Variants in SIPA1L1 observed in about 807,000 individuals in gnomAD.
SIPA1L1 encodes signal induced proliferation associated 1 like 1, also known as signal-induced proliferation-associated 1-like protein 1.
A neutral mutation model predicts 162.7 loss-of-function variants in SIPA1L1; 26 were observed. The observed-to-expected ratio is 0.16, with a 90% CI of 0.12 to 0.22. SIPA1L1 has a LOEUF of 0.22. Ranked by LOEUF, SIPA1L1 falls within the 10% of genes least tolerant of loss-of-function variation. The probability of loss-of-function intolerance (pLI) is 1.00; values close to 1 mark genes in which losing one functional copy is unlikely to be tolerated. For synonymous variants in SIPA1L1, 829 were observed against 837.4 expected (o/e 0.99, Z 0.17); for missense variants, 1,874 against 2,241.0 (o/e 0.84, Z 3.31).
chr14:71,579,779 C>A (rs8014349), intron 4 of SIPA1L1, among the ~76,000 whole-genome samples: 127,192 of 152,208 alleles, frequency 0.84, 53,751 homozygotes, highest in African/African-American at 0.95. Context: ...CTTTTTTCCT[C>A]AGCTAAATTT....
chr14:71,730,698 G>A (rs542195770), intron 20 of SIPA1L1, among the ~76,000 whole-genome samples: 1 of 152,340 alleles, frequency 6.6e-6, no homozygotes, highest in South Asian at 2.1e-4. Context: ...TGCCATTGCT[G>A]TCATTCTTTC....
At chr14:71,704,483 C>T (rs1319542207) in intron 15 of SIPA1L1, among the ~76,000 whole-genome samples, 4 of 152,148 alleles carry the variant, frequency 2.6e-5, no homozygotes, top group African/African-American at 4.8e-5. Flanking sequence ...ACTTTTCTGC[C>T]TCTGCTTTTG....
chr14:71,588,153 G>A lies in SIPA1L1; in HGVS notation c.281G>A (p.Ser94Asn), dbSNP rs868537942. The change falls in exon 5 of 24, where the codon AGC (serine) becomes AAC (asparagine). Residue 94 changes from serine to asparagine, a missense_variant. Physicochemically the swap from Ser to Asn is conservative, Grantham distance 46. This residue lies in a region of SIPA1L1 where 685 missense variants were observed against 828.0 expected (regional missense o/e 0.83). Transcript: ENST00000381232. This position sits in a 1 kb window ranked among gnomAD's most constrained non-coding sequence, Gnocchi z 4.3. ...AGAAAGGAAAACATAAAAGAATCTA[G>A]CCGTTCAAGCCAGGAAATAGAAACC... ...PPRKENIKES[S>N]RSSQEIETSS... 7 of 1,614,038 alleles carry A rather than the reference G, an allele frequency of 4.3e-6. No individual in the cohort carries two copies. The highest frequency in any genetic ancestry group is 2.7e-5 in the African/African-American group (2 of 74,928).
At chr14:71,447,802 C>G (rs1389735310) in intron 2 of SIPA1L1, among the ~76,000 whole-genome samples, 1 of 152,064 alleles carries the variant, frequency 6.6e-6, no homozygotes, top group Non-Finnish European at 1.5e-5. Context: ...CTCCTGAGCT[C>G]TGGCAATCCG....
intron 2 of SIPA1L1, among the ~76,000 whole-genome samples, chr14:71,437,497 G>A (rs1474775241): frequency 6.6e-6 from 1 of 152,160 alleles, no homozygotes; most frequent in African/African-American, 2.4e-5. Context: ...AGCCACTTAA[G>A]TAGCTAGGAT....
At chr14:71,485,133 C>T (rs1283965941) in intron 2 of SIPA1L1, among the ~76,000 whole-genome samples, 1 of 152,202 alleles carries the variant, frequency 6.6e-6, no homozygotes, top group Non-Finnish European at 1.5e-5. Context: ...AAATGTGTGT[C>T]ACTTATCAGG....
intron 4 of SIPA1L1, among the ~76,000 whole-genome samples, chr14:71,571,826 G>A (rs953958660): frequency 1.9e-5 from 2 of 106,748 alleles, no homozygotes; most frequent in African/African-American, 7.6e-5. Context: ...TTTTTTTTTT[G>A]TATTTTTAGT....
chr14:71,518,281 C>CAAA (rs71448370), intron 3 of SIPA1L1, among the ~76,000 whole-genome samples: 2 of 138,996 alleles, frequency 1.4e-5, no homozygotes, highest in African/African-American at 2.7e-5. Flanking sequence ...GAGACTGTCT[C>CAAA]AAAAAAAAAA....
chr14:71,431,725 C>T (rs1357622326), intron 2 of SIPA1L1, among the ~76,000 whole-genome samples: 2 of 151,984 alleles, frequency 1.3e-5, no homozygotes, highest in Non-Finnish European at 2.9e-5. Context: ...AAATAAATCA[C>T]ATGAAAGCCA....
intron 14 of SIPA1L1, among the ~76,000 whole-genome samples, chr14:71,700,254 A>G (rs1566682607): frequency 6.6e-6 from 1 of 151,540 alleles, no homozygotes; most frequent in Non-Finnish European, 1.5e-5. Flanking sequence ...GCTACCAAAA[A>G]ATAAAAGCAA....
Position 71,733,688 on chromosome 14 carries a change from C to A in SIPA1L1, c.4884C>A (p.Ser1628Arg). The A allele has an allele frequency of 6.2e-7, 1 of 1,613,978 alleles. No individual in the cohort carries two copies. Among genetic ancestry groups the A allele is most frequent in the African/African-American group, 1.3e-5 (1 of 75,056 alleles). The change falls in exon 21 of 24, where the codon AGC becomes AGA. Residue 1628 changes from serine to arginine, a missense_variant. This residue lies in a region of SIPA1L1 where 936 missense variants were observed against 1,051.9 expected (regional missense o/e 0.89). Transcript: ENST00000381232. ...SLHGEFSASD[S>R]SLTDIQETRR... ...CAGGAGAGTTCTCAGCCTCGGACAGCTCCCTCACTGACATCCAGGAGACCC... is the reference window on the plus strand; with the variant it reads ...CAGGAGAGTTCTCAGCCTCGGACAGATCCCTCACTGACATCCAGGAGACCC...
chr14:71,434,202 G>A (rs2044209082), intron 2 of SIPA1L1, among the ~76,000 whole-genome samples: 1 of 152,186 alleles, frequency 6.6e-6, no homozygotes, highest in Non-Finnish European at 1.5e-5. Context: ...ACAGAGATGA[G>A]TTTGACAGCC....
intron 16 of SIPA1L1, among the ~76,000 whole-genome samples, chr14:71,706,259 T>C (rs1217400888): frequency 1.3e-5 from 2 of 152,186 alleles, no homozygotes; most frequent in Non-Finnish European, 2.9e-5. Context: ...TGTGACAATG[T>C]GATATTGTCA....
At chr14:71,678,736 C>CT (rs2045480208) in intron 12 of SIPA1L1, among the ~76,000 whole-genome samples, 2 of 151,076 alleles carry the variant, frequency 1.3e-5, no homozygotes, top group Admixed American at 1.3e-4. Context: ...CCTTGTACCT[C>CT]TGGTAGAATT....
At chr14:71,453,292 C>G (rs1262265869) in intron 2 of SIPA1L1, among the ~76,000 whole-genome samples, 4 of 152,060 alleles carry the variant, frequency 2.6e-5, no homozygotes, top group Non-Finnish European at 5.9e-5. Flanking sequence ...GAGAAAGGAC[C>G]TTGCTCTGCT....
chr14:71,543,866 T>C (rs1251340386), intron 4 of SIPA1L1, among the ~76,000 whole-genome samples: 1 of 144,288 alleles, frequency 6.9e-6, no homozygotes, highest in Non-Finnish European at 1.5e-5. Context: ...ACATATATCA[T>C]ACGTATGTGT....
chr14:71,570,823 A>G (rs752385920), intron 4 of SIPA1L1, among the ~76,000 whole-genome samples: 22 of 152,106 alleles, frequency 1.4e-4, no homozygotes, highest in Admixed American at 6.5e-4. Context: ...GTCTCGCTCT[A>G]TCACCCAGGC....
intron 4 of SIPA1L1, among the ~76,000 whole-genome samples, chr14:71,533,279 G>T (rs2053606678): frequency 6.6e-6 from 1 of 152,150 alleles, no homozygotes; most frequent in South Asian, 2.1e-4. Context: ...ATATTCTAAA[G>T]TTGAAGGCAT....
At chr14:71,554,062 T>G (rs1297498827) in intron 4 of SIPA1L1, among the ~76,000 whole-genome samples, 2 of 152,234 alleles carry the variant, frequency 1.3e-5, no homozygotes, top group Non-Finnish European at 2.9e-5. Flanking sequence ...AAGTTTTCTT[T>G]CTTAATATTT....
Sources: gnomAD v4.1 joint callset for allele counts (sites outside exome capture counted in the v4.1 genomes callset) on GRCh38, gnomAD v4.1.1 for gene constraint, gnomAD v4.1.1 regional missense constraint, Gnocchi (gnomAD v3.1) non-coding constraint, MANE v1.5 for transcripts, NCBI Gene and HGNC (gene_info 2026-07-23, HGNC 2026-07-21) for gene names.